Variants in DRG1 observed in about 807,000 individuals in gnomAD.
DRG1 encodes developmentally regulated GTP binding protein 1, also known as developmentally-regulated GTP-binding protein 1.
DRG1 carries 19 observed loss-of-function variants against 38.8 expected under a neutral mutation model. That is an observed-to-expected ratio of 0.49 (90% confidence interval 0.34 to 0.72). The LOEUF (loss-of-function observed/expected upper bound fraction) is 0.72, where lower values mean the gene tolerates loss of function less well. Among genes scored for constraint, DRG1 ranks in the 30% least tolerant of loss-of-function variants. The probability of loss-of-function intolerance (pLI) is 0.01; values close to 1 mark genes in which losing one functional copy is unlikely to be tolerated. For synonymous variants in DRG1, 167 were observed against 157.5 expected (o/e 1.06, Z -0.45); for missense variants, 299 against 444.8 (o/e 0.67, Z 2.95).
At chr22:31,420,203 T>A in intron 4 of DRG1, 53 bp from the exon 5 acceptor site, 1 of 1,579,860 alleles carries the variant, frequency 6.3e-7, no homozygotes, top group Non-Finnish European at 8.6e-7. Flanking sequence ...AGTATTTGGG[T>A]TAGTTAAGGC....
rs1272105976 is a variant in DRG1 at position 31,433,810 on chromosome 22, G to A, written c.1005-62G>A. 10 of 1,497,402 alleles carry A rather than the reference G, an allele frequency of 6.7e-6. No homozygotes were observed. The East Asian group carries it at 2.3e-4, about 34-fold the overall frequency. The allele number at this position is 1,497,402 out of a possible 1,614,324, so 92.8% of individuals were successfully genotyped here. A position where few individuals can be genotyped will look rare whatever the true frequency, so the allele number is the denominator to read the frequency against. Reference sequence around the variant, plus strand: ...AATCTGAGCAGAAGGGTGGCATCCAGGCAAATAGGGCAGAAGCTAGGTTAT... The same window carrying A: ...AATCTGAGCAGAAGGGTGGCATCCAAGCAAATAGGGCAGAAGCTAGGTTAT... On this transcript the variant is annotated intron_variant, in intron 8 of 8. Transcript: ENST00000331457.
chr22:31,421,147 C>A (rs11089504), intron 5 of DRG1, among the ~76,000 whole-genome samples: 5,001 of 151,996 alleles, frequency 0.033, 208 homozygotes, highest in Admixed American at 0.082. Context: ...CGGTTTCATT[C>A]TGTTGCTTAG....
chr22:31,412,356 T>C (rs552481676), intron 4 of DRG1, among the ~76,000 whole-genome samples: 16 of 148,120 alleles, frequency 1.1e-4, no homozygotes, highest in South Asian at 2.1e-4. Flanking sequence ...TTCTTTCTTT[T>C]TTTTTTTTTT....
intron 4 of DRG1, among the ~76,000 whole-genome samples, chr22:31,415,042 G>A (rs149136432): frequency 6.6e-6 from 1 of 152,138 alleles, no homozygotes; most frequent in African/African-American, 2.4e-5. Flanking sequence ...TTCCCGAGTA[G>A]CTGGGACTGC....
chr22:31,431,023 C>A (rs866868093), intron 8 of DRG1, among the ~76,000 whole-genome samples: 4 of 73,928 alleles, frequency 5.4e-5, no homozygotes, highest in East Asian at 1.4e-3. Context: ...CGGCCTTCCC[C>A]CCCCCCCCCC....
intron 8 of DRG1, among the ~76,000 whole-genome samples, chr22:31,429,821 A>AT (rs141263512): frequency 2.6e-5 from 4 of 151,322 alleles, no homozygotes; most frequent in Non-Finnish European, 4.4e-5. Context: ...AGTTTTTTCT[A>AT]TTTTTTTTGT....
intron 3 of DRG1, among the ~76,000 whole-genome samples, chr22:31,406,724 A>C (rs9606839): frequency 0.23 from 34,505 of 151,938 alleles, 5,027 homozygotes; most frequent in East Asian, 0.46. Flanking sequence ...TTCTCGTATC[A>C]CTTGCCTGCT....
chr22:31,424,218 A>C (rs139121555), intron 6 of DRG1, among the ~76,000 whole-genome samples: 1 of 150,936 alleles, frequency 6.6e-6, no homozygotes, highest in Non-Finnish European at 1.5e-5. Context: ...GTGTGATCTC[A>C]GCTCACTGTA....
rs554952519 is a variant in DRG1, at chr22:31,422,159, C to T, written c.583-1121C>T. ...AAAAGAAAAGAGAATCGGCCAGGCA[C>T]GGTGGCTTACGCCTGTAATCCCAAC... On this transcript the variant is annotated intron_variant, in intron 5 of 8. Coordinates refer to ENST00000331457, the MANE Select transcript of DRG1 (RefSeq NM_004147.4). Among the ~76,000 whole-genome samples the T allele has an allele frequency of 6.6e-5, 10 of 150,400 alleles. No homozygotes were observed. In the East Asian group the frequency reaches 1.2e-3, roughly 18 times the overall value.
At position 31,426,370 on chromosome 22, in the gene DRG1, G is replaced by A. The variant is rs2050110544; in HGVS notation, c.714-245G>A. ...TCAGTCTGAGCACTTCAAAGCTTGT[G>A]TTCTTTCCACTGCAGTATGCTTTCC... On this transcript the variant is annotated intron_variant, in intron 6 of 8. Transcript: ENST00000331457. The A allele has an allele frequency of 1.0e-5, 4 of 386,646 alleles. No homozygotes were observed. In the South Asian group the frequency reaches 1.9e-4, roughly 18 times the overall value. 24.0% of individuals were successfully genotyped at this position (386,646 alleles called of 1,614,324 possible). A position where few individuals can be genotyped will look rare whatever the true frequency, so the allele number is the denominator to read the frequency against.
At chr22:31,411,962 A>T (rs1261155185) in intron 4 of DRG1, among the ~76,000 whole-genome samples, 2 of 151,856 alleles carry the variant, frequency 1.3e-5, no homozygotes, top group African/African-American at 2.4e-5. Flanking sequence ...GTTTTTTGAT[A>T]AAAAACCAAC....
At chr22:31,402,861 G>T (rs549942096) in intron 2 of DRG1, among the ~76,000 whole-genome samples, 168 bp from the exon 3 acceptor site, 1 of 152,168 alleles carries the variant, frequency 6.6e-6, no homozygotes, top group South Asian at 2.1e-4. Context: ...TTTGTGAATT[G>T]CTGTGCCCTC....
At position 31,411,171 on chromosome 22, in the gene DRG1, A is replaced by G. The variant is rs2050016135; in HGVS notation, c.412+90A>G. The G allele has an allele frequency of 3.6e-6, 5 of 1,389,012 alleles. No homozygotes were observed. In the South Asian group the frequency reaches 6.0e-5, roughly 17 times the overall value. The allele number at this position is 1,389,012 out of a possible 1,614,324, so 86.0% of individuals were successfully genotyped here. On this transcript the variant is annotated intron_variant, in intron 4 of 8. Transcript: ENST00000331457. ...AGGGACTACTTGGCTTGGAGATTATACCACAGTGAAGGGCATAGTTTCACC... is the reference window on the plus strand; with the variant it reads ...AGGGACTACTTGGCTTGGAGATTATGCCACAGTGAAGGGCATAGTTTCACC...
At chr22:31,431,025 C>T (rs867375459) in intron 8 of DRG1, among the ~76,000 whole-genome samples, 4 of 119,026 alleles carry the variant, frequency 3.4e-5, no homozygotes, top group Admixed American at 8.7e-5. Flanking sequence ...GCCTTCCCCC[C>T]CCCCCCCCGC....
intron 8 of DRG1, among the ~76,000 whole-genome samples, chr22:31,428,755 G>A (rs754596542): frequency 1.3e-5 from 2 of 152,082 alleles, no homozygotes; most frequent in Non-Finnish European, 2.9e-5. Flanking sequence ...GACTTTCACT[G>A]TCATTGATGA....
intron 8 of DRG1, among the ~76,000 whole-genome samples, chr22:31,432,910 A>G (rs899235268): frequency 5.9e-5 from 9 of 151,692 alleles, no homozygotes; most frequent in Non-Finnish European, 1.3e-4. Flanking sequence ...TATAACAACA[A>G]TATGGCCACC....
intron 4 of DRG1, among the ~76,000 whole-genome samples, chr22:31,419,713 T>TA (rs530319009): frequency 1.3e-5 from 2 of 151,084 alleles, no homozygotes; most frequent in Admixed American, 6.6e-5. Flanking sequence ...TGGATACAAT[T>TA]AAAAAAAAAT....
intron 8 of DRG1, among the ~76,000 whole-genome samples, chr22:31,427,573 A>C (rs1043791663): frequency 2.0e-5 from 3 of 152,126 alleles, no homozygotes; most frequent in South Asian, 2.1e-4. Context: ...GGCTGAAAAA[A>C]AATTATTTTA....
At chr22:31,414,908 T>G (rs1408123866) in intron 4 of DRG1, among the ~76,000 whole-genome samples, 2 of 151,836 alleles carry the variant, frequency 1.3e-5, no homozygotes, top group Admixed American at 6.6e-5. Flanking sequence ...GCCTCTTGAG[T>G]AGCTAAGGAC....
Sources: gnomAD v4.1 joint callset for allele counts (sites outside exome capture counted in the v4.1 genomes callset) on GRCh38, gnomAD v4.1.1 for gene constraint, MANE v1.5 for transcripts, NCBI Gene and HGNC (gene_info 2026-07-23, HGNC 2026-07-21) for gene names.